Variants in UNC5C observed in about 807,000 individuals in gnomAD.
The protein encoded by UNC5C is unc-5 netrin receptor C.
UNC5C carries 47 observed loss-of-function variants against 99.8 expected under a neutral mutation model. That is an observed-to-expected ratio of 0.47 (90% CI 0.37 to 0.60). The LOEUF is 0.60. Among genes scored for constraint, UNC5C ranks in the 20% least tolerant of loss-of-function variants. The pLI is 0.00. For missense variants in UNC5C, 1,062 were observed against 1,165.9 expected (o/e 0.91, Z 1.30); for synonymous variants, 487 against 452.2 (o/e 1.08, Z -0.98).
rs1721214460 is a variant in UNC5C, at chr4:95,483,039, T to TC, written c.124+65694_124+65695insG. Among the ~76,000 whole-genome samples, 4 of 110,404 alleles carry TC rather than the reference T, an allele frequency of 3.6e-5. No homozygotes were observed. The Admixed American group carries it at 3.9e-4, about 11-fold the overall frequency. 72.4% of individuals were successfully genotyped at this position (110,404 alleles called of 152,430 possible). ...ATAATAATAATAATAATAATAATAATAATAAAAACACATGCAGTAATAAAA... is the reference window on the plus strand; with the variant it reads ...ATAATAATAATAATAATAATAATAATCAATAAAAACACATGCAGTAATAAAA... On this transcript the variant is annotated intron_variant, in intron 1 of 15. Transcript: ENST00000453304.
At chr4:95,340,563 T>C (rs1743529821) in intron 1 of UNC5C, among the ~76,000 whole-genome samples, 1 of 152,172 alleles carries the variant, frequency 6.6e-6, no homozygotes, top group Non-Finnish European at 1.5e-5. Flanking sequence ...AAGCAATATA[T>C]TAATGGATTC....
intron 1 of UNC5C, among the ~76,000 whole-genome samples, chr4:95,427,916 A>G (rs779618150): frequency 2.0e-5 from 3 of 152,172 alleles, no homozygotes; most frequent in Non-Finnish European, 4.4e-5. Flanking sequence ...TTGAAGAACT[A>G]TAAATTTTCT....
intron 1 of UNC5C, among the ~76,000 whole-genome samples, chr4:95,397,916 T>C (rs1227131814): frequency 6.6e-6 from 1 of 152,164 alleles, no homozygotes; most frequent in African/African-American, 2.4e-5. Flanking sequence ...GCAGTAGCAT[T>C]ATTAATTGTC....
chr4:95,465,578 C>A (rs1747747082), intron 1 of UNC5C, among the ~76,000 whole-genome samples: 1 of 152,034 alleles, frequency 6.6e-6, no homozygotes, highest in African/African-American at 2.4e-5. Flanking sequence ...CCTTTCTGAA[C>A]AGATTTGGTG....
chr4:95,425,937 C>G (rs1292492701), intron 1 of UNC5C, among the ~76,000 whole-genome samples: 2 of 151,988 alleles, frequency 1.3e-5, no homozygotes, highest in African/African-American at 4.8e-5. Context: ...TTCAGATATT[C>G]CTAATCATAA....
chr4:95,207,499 C>T (rs1737923666), intron 10 of UNC5C, among the ~76,000 whole-genome samples: 1 of 152,102 alleles, frequency 6.6e-6, no homozygotes, highest in South Asian at 2.1e-4. Flanking sequence ...CTGTAATCAA[C>T]AAGCAAATGG....
chr4:95,199,407 A>G (rs1015880158), intron 12 of UNC5C, among the ~76,000 whole-genome samples: 7 of 152,280 alleles, frequency 4.6e-5, no homozygotes, highest in Admixed American at 1.3e-4. Context: ...TTAAAAGGCC[A>G]TGAGGTGCAA....
chr4:95,301,854 G>T, intron 2 of UNC5C, 105 bp from the exon 3 acceptor site: 1 of 1,370,926 alleles, frequency 7.3e-7, no homozygotes, highest in Non-Finnish European at 9.8e-7. Context: ...TGATGCCATA[G>T]ATCAACAACC....
At chr4:95,439,312 C>T (rs549015341) in intron 1 of UNC5C, among the ~76,000 whole-genome samples, 1 of 151,606 alleles carries the variant, frequency 6.6e-6, no homozygotes, top group East Asian at 1.9e-4. Context: ...GGTTCAAAGG[C>T]TGTTTGAACC....
intron 1 of UNC5C, among the ~76,000 whole-genome samples, chr4:95,369,546 A>G (rs1001225853): frequency 2.0e-5 from 3 of 152,102 alleles, no homozygotes; most frequent in Admixed American, 2.0e-4. Context: ...ACAAAGTGAG[A>G]TCGCATCTCC....
At chr4:95,218,277 G>A (rs903405352) in intron 9 of UNC5C, among the ~76,000 whole-genome samples, 1 of 152,074 alleles carries the variant, frequency 6.6e-6, no homozygotes, top group African/African-American at 2.4e-5. Flanking sequence ...AATGAATATC[G>A]ATTTTTAATC....
chr4:95,516,773 T>C (rs1021813480), intron 1 of UNC5C, among the ~76,000 whole-genome samples: 2 of 152,162 alleles, frequency 1.3e-5, no homozygotes, highest in African/African-American at 4.8e-5. Context: ...GTGTTTATCA[T>C]CTTGGAGAGC....
In UNC5C at chr4:95,398,044, C is replaced by CTTTTTTTTTTTTT. The variant is rs34609153; in HGVS notation, c.125-62426_125-62414dup. On this transcript the variant is annotated intron_variant, in intron 1 of 15. Coordinates refer to ENST00000453304, the MANE Select transcript of UNC5C (RefSeq NM_003728.4). ...CCCAATGAGAAGTAGCCAAATGTAG[C>CTTTTTTTTTTTTT]TTTTTTTTTTTTTTTTTTTGCTTAT... Among the ~76,000 whole-genome samples the CTTTTTTTTTTTTT allele has an allele frequency of 6.3e-3, 602 of 95,722 alleles. 13 individuals are homozygous for CTTTTTTTTTTTTT. Among genetic ancestry groups the CTTTTTTTTTTTTT allele is most frequent in the Non-Finnish European group, 8.4e-3 (447 of 53,488 alleles). 62.8% of individuals were successfully genotyped at this position (95,722 alleles called of 152,430 possible).
At chr4:95,368,034 C>T (rs1406724328) in intron 1 of UNC5C, among the ~76,000 whole-genome samples, 2 of 151,958 alleles carry the variant, frequency 1.3e-5, no homozygotes, top group Non-Finnish European at 2.9e-5. Flanking sequence ...TGAAAGTAAC[C>T]CAGACACAGT....
chr4:95,542,810 A>T (rs79654741), intron 1 of UNC5C, among the ~76,000 whole-genome samples: 2 of 145,700 alleles, frequency 1.4e-5, no homozygotes, highest in Non-Finnish European at 3.0e-5. Context: ...TAGACAGGAT[A>T]AAAAAAAAAG....
At chr4:95,199,812 C>T (rs1737583465) in intron 12 of UNC5C, among the ~76,000 whole-genome samples, 3 of 152,084 alleles carry the variant, frequency 2.0e-5, no homozygotes, top group Non-Finnish European at 4.4e-5. Flanking sequence ...TTAATCAGAC[C>T]CCATGGCTCC....
At chr4:95,392,128 A>T (rs1483096104) in intron 1 of UNC5C, among the ~76,000 whole-genome samples, 1 of 152,164 alleles carries the variant, frequency 6.6e-6, no homozygotes, top group Non-Finnish European at 1.5e-5. Flanking sequence ...TTTTACAGAA[A>T]TGTATCTTTA....
chr4:95,195,541 G>A (rs932154693), intron 12 of UNC5C, among the ~76,000 whole-genome samples: 6 of 152,164 alleles, frequency 3.9e-5, no homozygotes, highest in Admixed American at 6.5e-5. Flanking sequence ...AGCCTTAGAA[G>A]ACCTAGAAGA....
chr4:95,282,264 T>C (rs1270186951), intron 3 of UNC5C, among the ~76,000 whole-genome samples: 1 of 152,012 alleles, frequency 6.6e-6, no homozygotes, highest in Non-Finnish European at 1.5e-5. Context: ...TTTTAAAAAA[T>C]GGGGAGGTCA....
Sources: gnomAD v4.1 joint callset for allele counts (sites outside exome capture counted in the v4.1 genomes callset) on GRCh38, gnomAD v4.1.1 for gene constraint, MANE v1.5 for transcripts, NCBI Gene and HGNC (gene_info 2026-07-23, HGNC 2026-07-21) for gene names.